USP30: variants seen among roughly 807,000 people sequenced by gnomAD.
The protein encoded by USP30 is ubiquitin specific peptidase 30.
A neutral mutation model predicts 68.2 loss-of-function variants in USP30; 41 were observed. The observed-to-expected ratio is 0.60, with a 90% CI of 0.47 to 0.78. USP30 has a LOEUF of 0.78. USP30 is among the 30% of genes least tolerant of loss of function. The pLI, the probability that USP30 is intolerant of heterozygous loss-of-function variation, is 0.00. For synonymous variants in USP30, 229 were observed against 253.7 expected, an observed-to-expected ratio of 0.90 and a Z score of 0.93; for missense variants, 522 against 649.4, an observed-to-expected ratio of 0.80 and a Z score of 2.13.
At chr12:109,024,246 T>C (rs1418132460) in intron 1 of USP30, among the ~76,000 whole-genome samples, 1 of 152,182 alleles carries the variant, frequency 6.6e-6, no homozygotes, top group Non-Finnish European at 1.5e-5. Context: ...GTTGCAATGG[T>C]TAAATTAATT....
At chr12:109,050,791 G>A (rs1454530899), upstream of USP30, among the ~76,000 whole-genome samples, 3 of 151,878 alleles carry the variant, frequency 2.0e-5, no homozygotes, top group African/African-American at 4.8e-5. Flanking sequence ...GATGGATCAC[G>A]AGGTCAGGAG....
chr12:109,078,930 G>A (rs182569672), intron 7 of USP30, among the ~76,000 whole-genome samples: 4 of 152,110 alleles, frequency 2.6e-5, no homozygotes, highest in African/African-American at 9.6e-5. Context: ...TTGTCTTCTG[G>A]CCTCCATTTT....
At chr12:109,041,155 A>T (rs942022588) in intron 3 of USP30, among the ~76,000 whole-genome samples, 6 of 152,208 alleles carry the variant, frequency 3.9e-5, no homozygotes, top group Admixed American at 3.3e-4. Context: ...TTTCCTTAAG[A>T]TTAGATGTTT....
At chr12:109,058,386 T>G (rs1422360658) in intron 3 of USP30, among the ~76,000 whole-genome samples, 1 of 152,110 alleles carries the variant, frequency 6.6e-6, no homozygotes, top group African/African-American at 2.4e-5. Flanking sequence ...CTGACCAACA[T>G]GGAGAAACTC....
chr12:109,079,353 T>TTTTTTTTTTTTTTTTTTTTTTTTTTTTTC, intron 7 of USP30, among the ~76,000 whole-genome samples: 2 of 79,318 alleles, frequency 2.5e-5, no homozygotes, highest in Non-Finnish European at 5.0e-5. Context: ...TTTTTTTTCT[T>TTTTTTTTTTTTTTTTTTTTTTTTTTTTTC]TTTTTTTTTT....
At chr12:109,061,553 C>T (rs967400630) in intron 3 of USP30, among the ~76,000 whole-genome samples, 1 of 151,774 alleles carries the variant, frequency 6.6e-6, no homozygotes, top group African/African-American at 2.4e-5. Flanking sequence ...GGACTACAGG[C>T]ACATGCCACC....
rs1188861909 is a variant in USP30, at chr12:109,031,938, T to C, written c.-136+4382T>C. Among the ~76,000 whole-genome samples the C allele has an allele frequency of 4.6e-5, 7 of 151,858 alleles. No individual in the cohort carries two copies. In the East Asian group the frequency reaches 5.8e-4, roughly 13 times the overall value. ...TGACAACATAGCAAGACCTCATCGC[T>C]ACATTTTTTTTTAATTAGTCAGGTG... On this transcript the variant is annotated intron_variant, in intron 3 of 15. Coordinates refer to the USP30 transcript ENST00000392784.
upstream of USP30, among the ~76,000 whole-genome samples, chr12:109,050,682 C>CT (rs1409229865): frequency 5.3e-4 from 80 of 152,170 alleles, no homozygotes; most frequent in African/African-American, 1.8e-3. Context: ...AAAGTGGGTA[C>CT]TCCAAACTGA....
At chr12:109,033,591 C>T (rs1441324288) in intron 3 of USP30, among the ~76,000 whole-genome samples, 1 of 152,038 alleles carries the variant, frequency 6.6e-6, no homozygotes, top group Non-Finnish European at 1.5e-5. Context: ...ACAAGAATGA[C>T]CAAATTTGTA....
intron 8 of USP30, chr12:109,081,699 C>T (rs370788043): frequency 4.8e-5 from 29 of 598,304 alleles, no homozygotes; most frequent in South Asian, 2.4e-4. Flanking sequence ...CCTAAAACAG[C>T]GTGGAAGTCC....
chr12:109,073,621 G>C, intron 7 of USP30, 89 bp downstream of exon 7: 1 of 1,162,696 alleles, frequency 8.6e-7, no homozygotes, highest in Non-Finnish European at 1.3e-6. Context: ...GGCTGACATC[G>C]GTCACTGGTG....
At chr12:109,023,191 T>C (rs1012126606) in intron 1 of USP30, 3 of 152,246 alleles carry the variant, frequency 2.0e-5, no homozygotes, top group Non-Finnish European at 2.9e-5. Context: ...TTACCCCTTT[T>C]CCCTCAATCC....
intron 2 of USP30, 35 bp downstream of exon 2, chr12:109,056,826 C>A: frequency 6.8e-7 from 1 of 1,475,328 alleles, no homozygotes; most frequent in Non-Finnish European, 9.3e-7. Context: ...GGTCTGTAGA[C>A]TTGACCCAGA....
intron 3 of USP30, among the ~76,000 whole-genome samples, chr12:109,045,220 C>G (rs1470379782): frequency 1.3e-5 from 2 of 152,130 alleles, no homozygotes; most frequent in African/African-American, 4.8e-5. Flanking sequence ...CTCGGGTGAT[C>G]CACCCGCCTC....
intron 7 of USP30, among the ~76,000 whole-genome samples, chr12:109,075,080 G>C (rs753143746): frequency 2.0e-5 from 3 of 152,164 alleles, no homozygotes; most frequent in Admixed American, 2.0e-4. Flanking sequence ...TCCATTATAT[G>C]TGTATACCAC....
intron 1 of USP30, among the ~76,000 whole-genome samples, chr12:109,024,499 C>T (rs181274060): frequency 1.3e-5 from 2 of 152,274 alleles, no homozygotes; most frequent in East Asian, 3.9e-4. Context: ...CTCAAGCAAT[C>T]AACCTGCCTC....
At position 109,056,804 on chromosome 12, in the gene USP30, A is replaced by C; in HGVS notation, c.193+13A>C. 2 of 1,574,804 alleles carry C rather than the reference A, an allele frequency of 1.3e-6. No homozygotes were observed. The highest frequency in any genetic ancestry group is 1.1e-5 in the South Asian group (1 of 88,686). ...AAGCGTAGAAAAGGTAAGAATGAGAACACTGCATCATGGTCTGTAGACTTG... is the reference window on the plus strand; with the variant it reads ...AAGCGTAGAAAAGGTAAGAATGAGACCACTGCATCATGGTCTGTAGACTTG... On this transcript the variant is annotated intron_variant, in intron 2 of 12. Coordinates refer to ENST00000257548, the MANE Select transcript of USP30 (RefSeq NM_032663.5).
Position 109,072,307 on chromosome 12 carries a change from G to A in USP30, c.582G>A (p.Gln194=). 6.2e-7 allele frequency: 1 copy of A among 1,612,550 alleles called. No individual in the cohort carries two copies. The highest frequency in any genetic ancestry group is 8.5e-7 in the Non-Finnish European group (1 of 1,178,930). Reference sequence around the variant, plus strand: ...TTTTTTTTTTTTCTCCCCTACAGCAGCAGTCAGAAATAACTCCCAAACAAA... The same window carrying A: ...TTTTTTTTTTTTCTCCCCTACAGCAACAGTCAGAAATAACTCCCAAACAAA... The part of the protein sequence containing the change: ...THLFDVHSLE[Q]QSEITPKQIT... The change falls in exon 6 of 13, where the codon CAG becomes CAA. Residue 194 remains glutamine (Q), a splice_region_variant and synonymous_variant. Transcript: ENST00000257548.
chr12:109,081,604 TACAC>T lies in USP30; in HGVS notation c.780+214_780+217del, dbSNP rs10582659. On this transcript the variant is annotated intron_variant, in intron 8 of 12. Coordinates refer to ENST00000257548, the MANE Select transcript of USP30 (RefSeq NM_032663.5). The stretch of plus-strand genomic sequence containing the variant: ...GCTCCAGAAATTTTGGCTTTTTGAA[TACAC>T]ACGCACGCATGCGCGCACACACACA... 9,043 of 599,004 alleles carry T rather than the reference TACAC, an allele frequency of 0.015. 641 individuals carry two copies. The African/African-American group carries it at 0.16, about 10-fold the overall frequency. 37.1% of individuals were successfully genotyped at this position (599,004 alleles called of 1,614,324 possible). A position where few individuals can be genotyped will look rare whatever the true frequency, so the allele number is the denominator to read the frequency against.
Sources: allele counts gnomAD v4.1 joint callset (sites outside exome capture counted in the v4.1 genomes callset), GRCh38; gene constraint gnomAD v4.1.1; transcripts MANE v1.5; gene names NCBI Gene and HGNC (gene_info 2026-07-23, HGNC 2026-07-21).